MYBPC3: variants seen among roughly 807,000 people sequenced by gnomAD.
MYBPC3 encodes the protein myosin-binding protein C, cardiac-type.
Under a neutral mutation model 159.3 loss-of-function variants are expected in MYBPC3, and 108 were observed. The ratio of observed to expected loss-of-function variants is 0.68; its 90% CI spans 0.58 to 0.80. The LOEUF (loss-of-function observed/expected upper bound fraction) is 0.80. MYBPC3 is among the 30% of genes least tolerant of loss of function. MYBPC3 has a pLI of 0.00. For synonymous variants in MYBPC3, 730 were observed against 702.0 expected, an observed-to-expected ratio of 1.04 and a Z score of -0.63; for missense variants, 1,631 against 1,762.1, an observed-to-expected ratio of 0.93 and a Z score of 1.33.
chr11:47,347,743 A>C, intron 7 of MYBPC3, 63 bp from the exon 8 acceptor site: 1 of 1,549,450 alleles, frequency 6.5e-7, no homozygotes, highest in South Asian at 1.2e-5. Context: ...TGCAGCCCCC[A>C]CTGACTTCAG....
chr11:47,337,933 G>A (rs986973060), intron 23 of MYBPC3, 139 bp from the exon 24 acceptor site: 34 of 597,940 alleles, frequency 5.7e-5, no homozygotes, highest in Non-Finnish European at 8.5e-5. Flanking sequence ...TTTCTAGAAT[G>A]CATTTCTTTC....
At chr11:47,349,456 C>T (rs1294137227) in intron 5 of MYBPC3, among the ~76,000 whole-genome samples, 1 of 152,122 alleles carries the variant, frequency 6.6e-6, no homozygotes, top group Non-Finnish European at 1.5e-5. Context: ...ACAGTGTCCT[C>T]CAGGCTTCCT....
chr11:47,341,272 C>G, intron 18 of MYBPC3, 28 bp from the exon 19 acceptor site: 1 of 1,526,986 alleles, frequency 6.5e-7, no homozygotes, highest in Non-Finnish European at 8.9e-7. Context: ...CTCAGGGGAC[C>G]CCACTGGGCC....
In MYBPC3 at chr11:47,333,588, C is replaced by T. The variant is rs2095879430; in HGVS notation, c.3159G>A (p.Glu1053=). Residue 1053 remains glutamate, a synonymous_variant, in exon 29 of 35, where the codon GAG becomes GAA. Coordinates refer to ENST00000545968, the MANE Select transcript of MYBPC3 (RefSeq NM_000256.3). The part of the protein sequence containing the change: ...YQVTVRIENM[E]DKATLVLQVV... The stretch of plus-strand genomic sequence containing the variant: ...CCTGCAGCACCAGCGTGGCCTTGTC[C>T]TCCATGTTCTCAATGCGCACCGTCA... 2 of 1,601,538 alleles carry T rather than the reference C, an allele frequency of 1.2e-6. No homozygotes were observed. Among genetic ancestry groups the T allele is most frequent in the Admixed American group, 1.7e-5 (1 of 59,998 alleles).
chr11:47,343,168 T>G (rs368038984), intron 14 of MYBPC3, 23 bp from the exon 15 acceptor site: 32 of 1,605,960 alleles, frequency 2.0e-5, no homozygotes, highest in Middle Eastern at 1.7e-4. Context: ...CGCAGGGAAG[T>G]GGCAGGAAAG....
chr11:47,350,707 G>A, intron 2 of MYBPC3, 92 bp from the exon 3 acceptor site: 1 of 1,388,384 alleles, frequency 7.2e-7, no homozygotes, highest in African/African-American at 1.5e-5. Flanking sequence ...TGAGCCCGCT[G>A]TGGATGAGGA....
chr11:47,332,223 C>T lies in MYBPC3; in HGVS notation c.3663G>A (p.Leu1221=), dbSNP rs1347906047. 6.2e-7 allele frequency: 1 copy of T among 1,613,750 alleles called. No individual in the cohort carries two copies. Among genetic ancestry groups the T allele is most frequent in the East Asian group, 2.2e-5 (1 of 44,906 alleles). ...KISWFKNGLD[L]GEDARFRMFS... The stretch of plus-strand genomic sequence containing the variant: ...ACATGCGGAAGCGGGCGTCTTCTCC[C>T]AGGTCCAGGCCATTCTTGAACCAGG... Residue 1221 remains leucine (L), a synonymous_variant, in exon 33 of 35, where the codon CTG becomes CTA. Transcript: ENST00000545968. The surrounding 1 kb of genome is among the most constrained non-coding windows in gnomAD (Gnocchi z 4.2).
chr11:47,350,962 G>T (rs1346071920), intron 2 of MYBPC3, among the ~76,000 whole-genome samples: 1 of 152,180 alleles, frequency 6.6e-6, no homozygotes, highest in African/African-American at 2.4e-5. Context: ...TCTGTGCAGG[G>T]TCATCTCCCC....
At chr11:47,345,587 A>T (rs1252151102) in intron 12 of MYBPC3, among the ~76,000 whole-genome samples, 7 of 152,144 alleles carry the variant, frequency 4.6e-5, no homozygotes, top group Non-Finnish European at 8.8e-5. Flanking sequence ...GGGAGAAGGC[A>T]TGTGAGACCC....
At chr11:47,347,991 T>G (rs1012833671) in intron 6 of MYBPC3, 86 bp from the exon 7 acceptor site, 5 of 1,295,230 alleles carry the variant, frequency 3.9e-6, no homozygotes, top group African/African-American at 1.5e-5. Flanking sequence ...CCTCTGAGTA[T>G]TCACAGACTT....
intron 17 of MYBPC3, 141 bp from the exon 18 acceptor site, chr11:47,342,297 T>C: frequency 8.6e-7 from 1 of 1,167,630 alleles, no homozygotes; most frequent in South Asian, 1.6e-5. Flanking sequence ...TGTGCCTGTG[T>C]GTGCCATGTT....
At chr11:47,345,508 T>TC (rs1418987316) in intron 12 of MYBPC3, among the ~76,000 whole-genome samples, 2 of 152,100 alleles carry the variant, frequency 1.3e-5, no homozygotes, top group Non-Finnish European at 2.9e-5. Context: ...AGCTGACCCC[T>TC]CCATTCAGTC....
Position 47,333,948 on chromosome 11 carries a change from G to T in MYBPC3, c.2968C>A (p.Pro990Thr), listed in dbSNP as rs776100156. The T allele has an allele frequency of 3.2e-6, 5 of 1,581,632 alleles. No homozygotes were observed. Among genetic ancestry groups the T allele is most frequent in the East Asian group, 2.3e-5 (1 of 43,098 alleles). The change falls in exon 28 of 35, where the codon CCT becomes ACT. Residue 990 changes from proline (P) to threonine (T), a missense_variant. Transcript: ENST00000545968. ...RQTIQKKVGE[P>T]VNLLIPFQGK... The stretch of plus-strand genomic sequence containing the variant: ...TGGAAAGGGATGAGAAGGTTCACAG[G>T]CTCCCCGACCTTCTTCTGAATGGTC...
chr11:47,336,256 G>C (rs1242490124), intron 25 of MYBPC3: 1 of 296,906 alleles, frequency 3.4e-6, no homozygotes, highest in Non-Finnish European at 6.2e-6. Flanking sequence ...GGGAGGCCGA[G>C]GTGGGAGGAT....
In MYBPC3 at chr11:47,351,627, A is replaced by C. The variant is rs973778516; in HGVS notation, c.26-122T>G. 1 of 1,150,742 alleles carries C rather than the reference A, an allele frequency of 8.7e-7. No homozygotes were observed. The highest frequency in any genetic ancestry group is 1.2e-6 in the Non-Finnish European group (1 of 851,406). The allele number at this position is 1,150,742 out of a possible 1,614,324, so 71.3% of individuals were successfully genotyped here. On this transcript the variant is annotated intron_variant, in intron 1 of 34. Transcript: ENST00000545968. This position sits in a 1 kb window ranked among gnomAD's most constrained non-coding sequence, Gnocchi z 4.2. Reference sequence around the variant, plus strand: ...GCATCCCCTCACGTAATACTCTACCAGTTCTCTGAGGTAGTTGCAGTTATT... The same window carrying C: ...GCATCCCCTCACGTAATACTCTACCCGTTCTCTGAGGTAGTTGCAGTTATT...
In MYBPC3 at chr11:47,343,094, G is replaced by A. The variant is rs746770543; in HGVS notation, c.1278C>T (p.Cys426=). ...GGTAGGCTGCGTCGTCCGCCAATGA[G>A]CACTGGCTGATGGTCAGGGTACGCT... ...GAKRTLTISQ[C]SLADDAAYQC... is the part of the protein sequence containing the mutation. The change falls in exon 15 of 35, where the codon TGC becomes TGT. Residue 426 remains cysteine (C), a synonymous_variant. Coordinates refer to ENST00000545968, the MANE Select transcript of MYBPC3 (RefSeq NM_000256.3). The A allele has an allele frequency of 6.2e-7, 1 of 1,612,194 alleles. No individual in the cohort carries two copies. The highest frequency in any genetic ancestry group is 8.5e-7 in the Non-Finnish European group (1 of 1,179,192).
At chr11:47,342,262 G>C in intron 17 of MYBPC3, 106 bp from the exon 18 acceptor site, 2 of 1,373,790 alleles carry the variant, frequency 1.5e-6, no homozygotes, top group Non-Finnish European at 2.0e-6. Flanking sequence ...ACGTGTCTGG[G>C]TGCATGTGGG....
At chr11:47,349,712 T>C (rs750814373) in intron 5 of MYBPC3, 62 bp downstream of exon 5, 54 of 1,559,284 alleles carry the variant, frequency 3.5e-5, no homozygotes, top group South Asian at 4.7e-5. Context: ...CTGTGTGCCT[T>C]GTGCCTTCTA....
rs1595840820 is a variant in MYBPC3 at position 47,332,208 on chromosome 11, G to A, written c.3678C>T (p.Arg1226=). The A allele has an allele frequency of 3.7e-6, 6 of 1,613,892 alleles. No homozygotes were observed. Among genetic ancestry groups the A allele is most frequent in the Non-Finnish European group, 5.1e-6 (6 of 1,179,898 alleles). ...KNGLDLGEDA[R]FRMFSKQGVL... ...CTCCCTGCTTGCTGAACATGCGGAA[G>A]CGGGCGTCTTCTCCCAGGTCCAGGC... Residue 1226 remains arginine (R), a synonymous_variant, in exon 33 of 35, where the codon CGC becomes CGT. Transcript: ENST00000545968. This position sits in a 1 kb window ranked among gnomAD's most constrained non-coding sequence, Gnocchi z 4.2.
Sources: allele counts gnomAD v4.1 joint callset (sites outside exome capture counted in the v4.1 genomes callset), GRCh38; gene constraint gnomAD v4.1.1; non-coding constraint Gnocchi (gnomAD v3.1); transcripts MANE v1.5; gene names NCBI Gene and HGNC (gene_info 2026-07-23, HGNC 2026-07-21).